The following VPS13B variants were observed in gnomAD, a reference collection of about 807,000 sequenced individuals.
VPS13B encodes intermembrane lipid transfer protein VPS13B.
VPS13B carries 285 observed loss-of-function variants against 426.4 expected under a neutral mutation model. The ratio of observed to expected loss-of-function variants is 0.67; its 90% CI spans 0.61 to 0.74. The LOEUF is 0.74. Ranked by LOEUF, VPS13B falls within the 30% of genes least tolerant of loss-of-function variation. The pLI is 0.00. For missense variants in VPS13B, 4,537 were observed against 4,782.6 expected (o/e 0.95, Z 1.51); for synonymous variants, 1,676 against 1,676.4 (o/e 1.00, Z 0.01).
intron 19 of VPS13B, among the ~76,000 whole-genome samples, chr8:99,315,662 A>T (rs1809604423): frequency 6.8e-6 from 1 of 147,532 alleles, no homozygotes; most frequent in Non-Finnish European, 1.5e-5. Flanking sequence ...TTTGAGACGG[A>T]GTCTTGCTCT....
At chr8:99,227,887 A>G (rs1017165034) in intron 17 of VPS13B, among the ~76,000 whole-genome samples, 5 of 152,156 alleles carry the variant, frequency 3.3e-5, no homozygotes, top group African/African-American at 1.2e-4. Flanking sequence ...TTGATGACCC[A>G]ATGCTTAAGT....
intron 33 of VPS13B, among the ~76,000 whole-genome samples, chr8:99,636,155 C>T (rs1389424475): frequency 1.3e-5 from 2 of 151,990 alleles, no homozygotes; most frequent in African/African-American, 4.8e-5. Context: ...TAGAATTCCA[C>T]TGATTTAAGT....
intron 3 of VPS13B, among the ~76,000 whole-genome samples, chr8:99,065,937 C>A (rs1040581410): frequency 1.3e-5 from 2 of 152,172 alleles, no homozygotes; most frequent in African/African-American, 4.8e-5. Context: ...AGGAATCCAA[C>A]TTACAAGGGA....
intron 25 of VPS13B, among the ~76,000 whole-genome samples, chr8:99,497,762 T>G (rs1378903167): frequency 6.6e-6 from 1 of 152,124 alleles, no homozygotes; most frequent in African/African-American, 2.4e-5. Context: ...CAAATTATTA[T>G]GCAAACAACC....
At chr8:99,632,941 G>A (rs910502378) in intron 33 of VPS13B, among the ~76,000 whole-genome samples, 13 of 151,890 alleles carry the variant, frequency 8.6e-5, no homozygotes, top group African/African-American at 2.7e-4. Flanking sequence ...AGAGAATCTA[G>A]CATTAATTAC....
At chr8:99,540,879 C>A (rs538565746) in intron 30 of VPS13B, among the ~76,000 whole-genome samples, 48 of 152,108 alleles carry the variant, frequency 3.2e-4, no homozygotes, top group Non-Finnish European at 5.9e-4. Context: ...TTTGTCTTTG[C>A]TATTGCTCGG....
chr8:99,467,990 T>C (rs1364327583), intron 24 of VPS13B, among the ~76,000 whole-genome samples: 1 of 152,192 alleles, frequency 6.6e-6, no homozygotes, highest in Non-Finnish European at 1.5e-5. Context: ...AGAACTTCTT[T>C]GCTTATCATG....
intron 23 of VPS13B, 94 bp downstream of exon 23, chr8:99,442,729 C>A: frequency 7.9e-7 from 1 of 1,273,510 alleles, no homozygotes; most frequent in Non-Finnish European, 1.1e-6. Flanking sequence ...ATAAGCAAAT[C>A]AGTCTTCTCA....
At chr8:99,861,541 A>G (rs1816833296) in intron 57 of VPS13B, among the ~76,000 whole-genome samples, 1 of 152,224 alleles carries the variant, frequency 6.6e-6, no homozygotes. Context: ...GGCTCAAGCA[A>G]TCCTCCTGCG....
intron 19 of VPS13B, among the ~76,000 whole-genome samples, chr8:99,311,039 T>C (rs1475930272): frequency 6.6e-6 from 1 of 152,138 alleles, no homozygotes; most frequent in Non-Finnish European, 1.5e-5. Context: ...TTTTTTATTG[T>C]GTCTATTTGA....
intron 44 of VPS13B, among the ~76,000 whole-genome samples, chr8:99,813,431 G>A (rs1350802234): frequency 6.6e-6 from 1 of 152,106 alleles, no homozygotes; most frequent in Non-Finnish European, 1.5e-5. Context: ...GCCAGGCTTG[G>A]GCACATCAAG....
intron 35 of VPS13B, among the ~76,000 whole-genome samples, chr8:99,685,329 A>G (rs1180764912): frequency 6.6e-6 from 1 of 152,258 alleles, no homozygotes; most frequent in Non-Finnish European, 1.5e-5. Flanking sequence ...CTATGGTTAG[A>G]AGTCTAGGTG....
At chr8:99,079,208 G>A (rs1288992369) in intron 3 of VPS13B, among the ~76,000 whole-genome samples, 1 of 152,062 alleles carries the variant, frequency 6.6e-6, no homozygotes, top group Non-Finnish European at 1.5e-5. Flanking sequence ...CGGTGGGTTG[G>A]GTGTGCCTGT....
intron 28 of VPS13B, among the ~76,000 whole-genome samples, chr8:99,509,408 GT>G (rs1257620590): frequency 1.3e-5 from 2 of 151,896 alleles, no homozygotes; most frequent in Non-Finnish European, 2.9e-5. Context: ...ACTTTCCAGG[GT>G]TTTTTTAATG....
intron 25 of VPS13B, among the ~76,000 whole-genome samples, chr8:99,489,944 A>T (rs1003342042): frequency 1.3e-5 from 2 of 152,044 alleles, no homozygotes; most frequent in African/African-American, 4.8e-5. Flanking sequence ...CACTATATTG[A>T]TTAGGAGTGG....
At chr8:99,352,066 T>C (rs1286221585) in intron 19 of VPS13B, among the ~76,000 whole-genome samples, 3 of 152,234 alleles carry the variant, frequency 2.0e-5, no homozygotes, top group African/African-American at 7.2e-5. Context: ...CTGTAACTGC[T>C]TAGGCTTGTG....
intron 21 of VPS13B, among the ~76,000 whole-genome samples, 198 bp from the exon 22 acceptor site, chr8:99,431,339 C>T (rs568204044): frequency 6.6e-6 from 1 of 152,272 alleles, no homozygotes; most frequent in East Asian, 1.9e-4. Flanking sequence ...TGACTTCTAA[C>T]AAATTAGGCC....
chr8:99,743,325 A>T (rs1013937419), intron 39 of VPS13B, among the ~76,000 whole-genome samples: 1 of 151,994 alleles, frequency 6.6e-6, no homozygotes, highest in African/African-American at 2.4e-5. Flanking sequence ...ATAAAAGAGG[A>T]TACAAACAAA....
intron 28 of VPS13B, among the ~76,000 whole-genome samples, chr8:99,510,174 TG>T (rs1444455174): frequency 6.6e-6 from 1 of 152,260 alleles, no homozygotes; most frequent in Non-Finnish European, 1.5e-5. Flanking sequence ...ATCACATTAC[TG>T]TTTAAATATG....
Sources: allele counts gnomAD v4.1 joint callset (sites outside exome capture counted in the v4.1 genomes callset), GRCh38; gene constraint gnomAD v4.1.1; transcripts MANE v1.5; gene names NCBI Gene and HGNC (gene_info 2026-07-23, HGNC 2026-07-21).